Variants in NELL1 observed in about 807,000 individuals in gnomAD.
The protein encoded by NELL1 is neural EGFL like 1.
In NELL1, 76 loss-of-function variants were observed where a neutral mutation model predicts 107.4. The ratio of observed to expected loss-of-function variants is 0.71; its 90% confidence interval spans 0.59 to 0.86. NELL1 has a LOEUF of 0.86. Ranked by LOEUF, NELL1 falls within the 40% of genes least tolerant of loss-of-function variation. The pLI is 0.00. For synonymous variants in NELL1, 353 were observed against 341.2 expected (o/e 1.03, Z -0.38); for missense variants, 1,024 against 1,005.5 (o/e 1.02, Z -0.25).
intron 16 of NELL1, among the ~76,000 whole-genome samples, chr11:21,549,593 G>A (rs915458222): frequency 1.3e-5 from 2 of 151,756 alleles, no homozygotes; most frequent in Non-Finnish European, 2.9e-5. Context: ...AATTTATAAA[G>A]AGACTCTCAG....
At chr11:20,855,258 G>A (rs2134066720) in intron 4 of NELL1, among the ~76,000 whole-genome samples, 1 of 151,840 alleles carries the variant, frequency 6.6e-6, no homozygotes, top group African/African-American at 2.4e-5. Context: ...GAAGGTGAAA[G>A]GATTAATTGA....
chr11:21,017,963 C>G (rs963720278), intron 12 of NELL1, among the ~76,000 whole-genome samples: 2 of 152,028 alleles, frequency 1.3e-5, no homozygotes, highest in African/African-American at 4.8e-5. Flanking sequence ...CCAAAACTTG[C>G]TCTAGTATTT....
At chr11:20,881,714 G>T (rs11820254) in intron 4 of NELL1, among the ~76,000 whole-genome samples, 5,190 of 147,562 alleles carry the variant, frequency 0.035, 297 homozygotes, top group African/African-American at 0.12. Context: ...ATTCTGTTTT[G>T]TTTTTTTTTT....
chr11:21,148,445 T>A (rs1342659405), intron 13 of NELL1, among the ~76,000 whole-genome samples: 2 of 152,162 alleles, frequency 1.3e-5, no homozygotes, highest in Non-Finnish European at 2.9e-5. Flanking sequence ...ATGTGTTCCT[T>A]CAGGTGATAG....
intron 15 of NELL1, among the ~76,000 whole-genome samples, chr11:21,447,782 G>A (rs1043068377): frequency 1.3e-5 from 2 of 152,124 alleles, no homozygotes; most frequent in Non-Finnish European, 2.9e-5. Flanking sequence ...TCCTCTGGCT[G>A]TGAGTCCATT....
At chr11:21,331,426 G>T (rs546614371) in intron 14 of NELL1, among the ~76,000 whole-genome samples, 1 of 151,886 alleles carries the variant, frequency 6.6e-6, no homozygotes, top group African/African-American at 2.4e-5. Flanking sequence ...AGTGACACTG[G>T]CAGTGTAAAG....
At chr11:21,568,034 A>G (rs1857010972) in intron 17 of NELL1, among the ~76,000 whole-genome samples, 1 of 151,832 alleles carries the variant, frequency 6.6e-6, no homozygotes, top group Non-Finnish European at 1.5e-5. Flanking sequence ...TGACAGGGAT[A>G]CATTCTAAGA....
chr11:21,095,377 C>T (rs1297419345), intron 12 of NELL1, among the ~76,000 whole-genome samples: 4 of 152,168 alleles, frequency 2.6e-5, no homozygotes, highest in African/African-American at 9.7e-5. Flanking sequence ...AATTGTTCCA[C>T]CCTCTGCCTG....
At chr11:21,164,260 T>A (rs942511749) in intron 13 of NELL1, among the ~76,000 whole-genome samples, 5 of 152,340 alleles carry the variant, frequency 3.3e-5, no homozygotes, top group Middle Eastern at 3.4e-3. Flanking sequence ...CATTGTTTTC[T>A]CTGCACCCTC....
At chr11:20,760,127 G>A (rs556059063) in intron 2 of NELL1, among the ~76,000 whole-genome samples, 1 of 152,306 alleles carries the variant, frequency 6.6e-6, no homozygotes, top group Non-Finnish European at 1.5e-5. Context: ...ATATGGTGTG[G>A]GTTGGGAGGT....
intron 15 of NELL1, among the ~76,000 whole-genome samples, chr11:21,494,335 C>T (rs183745375): frequency 1.3e-5 from 2 of 151,936 alleles, no homozygotes; most frequent in African/African-American, 2.4e-5. Context: ...ACTAACAAGT[C>T]ATCCAATTTC....
At chr11:20,827,961 C>A (rs1857920908) in intron 3 of NELL1, among the ~76,000 whole-genome samples, 1 of 151,196 alleles carries the variant, frequency 6.6e-6, no homozygotes, top group South Asian at 2.1e-4. Flanking sequence ...TCTATGCTAC[C>A]TACTCCCAAC....
chr11:21,285,710 C>T (rs1436394583), intron 14 of NELL1, among the ~76,000 whole-genome samples: 1 of 152,142 alleles, frequency 6.6e-6, no homozygotes, highest in Non-Finnish European at 1.5e-5. Flanking sequence ...AGAGAACTAT[C>T]GATTGTAAAC....
chr11:21,454,667 G>A (rs2133863234), intron 15 of NELL1, among the ~76,000 whole-genome samples: 1 of 152,312 alleles, frequency 6.6e-6, no homozygotes, highest in Middle Eastern at 3.4e-3. Context: ...CACAATTCTA[G>A]AGGCTGGAAA....
In NELL1 at chr11:20,784,802, G is replaced by T. The variant is rs151181902; in HGVS notation, c.335+972G>T. Among the ~76,000 whole-genome samples, 514 of 152,230 alleles carry T rather than the reference G, an allele frequency of 3.4e-3. 2 individuals are homozygous for T. The highest frequency in any genetic ancestry group is 0.012 in the African/African-American group (482 of 41,534). On this transcript the variant is annotated intron_variant, in intron 3 of 19. Coordinates refer to ENST00000357134, the MANE Select transcript of NELL1 (RefSeq NM_006157.5). The stretch of plus-strand genomic sequence containing the variant: ...TAGGTGCCATGCGAGGTTTTGTGGA[G>T]AAATCAAAGGAACAAAATCTTCTAA...
intron 15 of NELL1, among the ~76,000 whole-genome samples, chr11:21,469,238 C>G (rs1423338138): frequency 1.3e-5 from 2 of 151,940 alleles, no homozygotes; most frequent in Non-Finnish European, 2.9e-5. Flanking sequence ...GACTGAAAGA[C>G]CAAATCCCTT....
At chr11:20,837,836 A>C (rs1848560952) in intron 3 of NELL1, among the ~76,000 whole-genome samples, 1 of 152,134 alleles carries the variant, frequency 6.6e-6, no homozygotes, top group Non-Finnish European at 1.5e-5. Flanking sequence ...TAAATAAATA[A>C]ATGAGAATAG....
chr11:21,483,868 A>AAC (rs143240125), intron 15 of NELL1, among the ~76,000 whole-genome samples: 58 of 138,374 alleles, frequency 4.2e-4, no homozygotes, highest in African/African-American at 1.1e-3. Context: ...TACATATACA[A>AAC]ACACACACAC....
chr11:20,905,097 A>G (rs2134138031), intron 5 of NELL1, among the ~76,000 whole-genome samples: 1 of 151,038 alleles, frequency 6.6e-6, no homozygotes, highest in East Asian at 2.0e-4. Context: ...TCCACAGCCT[A>G]TCAGAGTGTT....
Sources: allele counts gnomAD v4.1 joint callset (sites outside exome capture counted in the v4.1 genomes callset), GRCh38; gene constraint gnomAD v4.1.1; transcripts MANE v1.5; gene names NCBI Gene and HGNC (gene_info 2026-07-23, HGNC 2026-07-21).